LLGL1: variants seen among roughly 807,000 people sequenced by gnomAD.
The protein encoded by LLGL1 is LLGL scribble cell polarity complex component 1.
LLGL1 carries 58 observed loss-of-function variants against 110.6 expected under a neutral mutation model. That is an observed-to-expected ratio of 0.52 (90% CI 0.42 to 0.65). LLGL1 has a LOEUF of 0.65. Among genes scored for constraint, LLGL1 ranks in the 30% least tolerant of loss-of-function variants. The probability of loss-of-function intolerance (pLI) is 0.00; values close to 1 mark genes in which losing one functional copy is unlikely to be tolerated. For synonymous variants in LLGL1, 674 were observed against 607.2 expected (o/e 1.11, Z -1.62); for missense variants, 1,229 against 1,462.1 (o/e 0.84, Z 2.60).
At position 18,234,748 on chromosome 17, in the gene LLGL1, G is replaced by A. The variant is rs745747416; in HGVS notation, c.905+45G>A. On this transcript the variant is annotated intron_variant, in intron 8 of 22. Coordinates refer to ENST00000316843, the MANE Select transcript of LLGL1 (RefSeq NM_004140.4). ...GTCCGATGTGAGTTGGGTCTGGCTA[G>A]GGGGCTGGAAGGGTGGGCTCTCCCT... The A allele has an allele frequency of 3.1e-6, 5 of 1,613,952 alleles. No individual in the cohort carries two copies. In the South Asian group the frequency reaches 3.3e-5, roughly 11 times the overall value.
rs2047820742 is a variant in LLGL1, at chr17:18,241,098, G to A, written c.2502+225G>A. 5.7e-5 allele frequency: 34 copies of A among 594,812 alleles called. No homozygotes were observed. In the South Asian group the frequency reaches 7.9e-4, roughly 14 times the overall value. The allele number at this position is 594,812 out of a possible 1,614,324, so 36.8% of individuals were successfully genotyped here. A position where few individuals can be genotyped will look rare whatever the true frequency, so the allele number is the denominator to read the frequency against. On this transcript the variant is annotated intron_variant, in intron 17 of 22. Coordinates refer to ENST00000316843, the MANE Select transcript of LLGL1 (RefSeq NM_004140.4). ...GTTCCCCTGGGAGGGCAGGAATCTA[G>A]TCCTATCTCACTGTGCCACACAAGG...
rs2142750012 is a variant in LLGL1 at position 18,244,019 on chromosome 17, CCA to C, written c.*115_*116del. 2 of 152,778 alleles carry C rather than the reference CCA, an allele frequency of 1.3e-5. No homozygotes were observed. The highest frequency in any genetic ancestry group is 4.8e-5 in the African/African-American group (2 of 41,570). 9.5% of individuals were successfully genotyped at this position (152,778 alleles called of 1,614,324 possible). A position where few individuals can be genotyped will look rare whatever the true frequency, so the allele number is the denominator to read the frequency against. ...AACCACGCCTGCTAACCTGTAGGCT[CCA>C]CTGGGACCTGCTGTCCTGTCCCGCC... is the stretch of plus-strand genomic sequence containing the variant. On this transcript the variant is annotated 3_prime_UTR_variant, in exon 23 of 23. Coordinates refer to ENST00000316843, the MANE Select transcript of LLGL1 (RefSeq NM_004140.4).
chr17:18,236,034 C>T, intron 11 of LLGL1: 1 of 188,884 alleles, frequency 5.3e-6, no homozygotes, highest in South Asian at 1.0e-4. Flanking sequence ...CACAGTCACA[C>T]ACCTCTCACG....
Position 18,234,948 on chromosome 17 carries a change from C to A in LLGL1, c.1015C>A (p.Arg339Ser), listed in dbSNP as rs1417041190. Residue 339 changes from arginine to serine, a missense_variant, in exon 9 of 23, where the codon CGC (arginine) becomes AGC (serine). Physicochemically the swap from Arg to Ser is moderately radical, Grantham distance 110. Transcript: ENST00000316843. ...ATTGGTGACGCTGGACTTCACTTCC[C>A]GCATCATCGACTTCTTCACAGTGCA... Reference protein sequence around the residue: ...ETLVTLDFTSRIIDFFTVHST... With the variant: ...ETLVTLDFTSSIIDFFTVHST... The A allele has an allele frequency of 6.2e-7, 1 of 1,614,056 alleles. No homozygotes were observed. The highest frequency in any genetic ancestry group is 2.2e-5 in the East Asian group (1 of 44,878).
chr17:18,238,080 C>G lies in LLGL1; in HGVS notation c.1918C>G (p.Pro640Ala). ...SPVLARCTLH[P>A]NDSLAMEGPL... ...GTCTTCCCCCAGGTGCACTCTTCAC[C>G]CCAATGACTCCCTGGCCATGGAGGG... is the stretch of plus-strand genomic sequence containing the variant. The change falls in exon 15 of 23, where the codon CCC (proline) becomes GCC (alanine). Residue 640 changes from proline to alanine, a missense_variant. Transcript: ENST00000316843. The G allele has an allele frequency of 6.2e-7, 1 of 1,613,770 alleles. No individual in the cohort carries two copies. The highest frequency in any genetic ancestry group is 8.5e-7 in the Non-Finnish European group (1 of 1,179,996).
intron 8 of LLGL1, 22 bp downstream of exon 8, chr17:18,234,725 C>G (rs1375587506): frequency 2.5e-6 from 4 of 1,613,850 alleles, no homozygotes; most frequent in African/African-American, 1.3e-5. Flanking sequence ...GAGTGGGTGT[C>G]CGATGTGAGT....
Position 18,241,990 on chromosome 17 carries a change from C to T in LLGL1, c.2873C>T (p.Thr958Ile). 1 of 1,613,478 alleles carries T rather than the reference C, an allele frequency of 6.2e-7. No homozygotes were observed. The highest frequency in any genetic ancestry group is 1.1e-5 in the South Asian group (1 of 91,074). The change falls in exon 19 of 23, where the codon ACC becomes ATC. Residue 958 changes from threonine (T) to isoleucine (I), a missense_variant. Coordinates refer to ENST00000316843, the MANE Select transcript of LLGL1 (RefSeq NM_004140.4). ...SLDINWPRDA[T>I]QASYRIRESP... Reference sequence around the variant, plus strand: ...GACATTAACTGGCCCCGCGATGCCACCCAGGCCAGGTGTGTGGAGGGGCAG... The same window carrying T: ...GACATTAACTGGCCCCGCGATGCCATCCAGGCCAGGTGTGTGGAGGGGCAG...
At position 18,225,664 on chromosome 17, in the gene LLGL1, G is replaced by T. The variant is rs775836951; in HGVS notation, c.-19G>T. The T allele has an allele frequency of 3.0e-6, 3 of 990,382 alleles. No individual in the cohort carries two copies. Among genetic ancestry groups the T allele is most frequent in the Non-Finnish European group, 3.6e-6 (3 of 831,978 alleles). 61.3% of individuals were successfully genotyped at this position (990,382 alleles called of 1,614,324 possible). A position where few individuals can be genotyped will look rare whatever the true frequency, so the allele number is the denominator to read the frequency against. ...TGCGGGCGGCGGCGGCGGGCGAGGC[G>T]CCTGCAGCCGGGCGCAAGATGATGA... is the stretch of plus-strand genomic sequence containing the variant. On this transcript the variant is annotated 5_prime_UTR_variant, in exon 1 of 23. Transcript: ENST00000316843.
rs1211930284 is a variant in LLGL1, at chr17:18,244,192, C to G, written c.*286C>G. On this transcript the variant is annotated 3_prime_UTR_variant, in exon 23 of 23. Transcript: ENST00000316843. ...GTGGGGCCCAGCACCTGTGCCACCT[C>G]CCCCCCTCCACACACCATCCTTCCC... 1 of 151,874 alleles carries G rather than the reference C, an allele frequency of 6.6e-6. No homozygotes were observed. Among genetic ancestry groups the G allele is most frequent in the Non-Finnish European group, 1.5e-5 (1 of 67,950 alleles). 9.4% of individuals were successfully genotyped at this position (151,874 alleles called of 1,614,324 possible).
intron 2 of LLGL1, among the ~76,000 whole-genome samples, chr17:18,232,257 A>G (rs1260380896): frequency 6.6e-6 from 1 of 152,242 alleles, no homozygotes; most frequent in Non-Finnish European, 1.5e-5. Context: ...TGAAGGTCCT[A>G]TAGCAGCACC....
chr17:18,235,736 G>T, intron 11 of LLGL1, 199 bp downstream of exon 11: 1 of 594,740 alleles, frequency 1.7e-6, no homozygotes, highest in Non-Finnish European at 3.0e-6. Flanking sequence ...CTGCCTTTTG[G>T]CCTGGAACTG....
chr17:18,236,473 T>C (rs1597870761), intron 11 of LLGL1, 134 bp from the exon 12 acceptor site: 1 of 874,154 alleles, frequency 1.1e-6, no homozygotes, highest in Non-Finnish European at 1.8e-6. Context: ...CTATTGTTTT[T>C]TGTAAAAGTA....
In LLGL1 at chr17:18,242,767, C is replaced by T. The variant is rs748086092; in HGVS notation, c.3141C>T (p.Asn1047=). Residue 1047 remains asparagine, a synonymous_variant, in exon 22 of 23, where the codon AAC becomes AAT. Coordinates refer to ENST00000316843, the MANE Select transcript of LLGL1 (RefSeq NM_004140.4). ...FLGSSEESEK[N]LRNLAEDEAH... Reference sequence around the variant, plus strand: ...GCTCCTCTGAGGAGTCAGAGAAGAACCTGAGGAACCTGGCAGAAGACGAGG... The same window carrying T: ...GCTCCTCTGAGGAGTCAGAGAAGAATCTGAGGAACCTGGCAGAAGACGAGG... The T allele has an allele frequency of 6.4e-5, 100 of 1,569,216 alleles. No homozygotes were observed. The highest frequency in any genetic ancestry group is 6.2e-4 in the South Asian group (53 of 85,562).
intron 15 of LLGL1, 78 bp downstream of exon 15, chr17:18,238,292 C>T: frequency 1.3e-6 from 2 of 1,594,318 alleles, no homozygotes; most frequent in Non-Finnish European, 8.5e-7. Context: ...ACCCCTGGGG[C>T]CTGCTTAGCT....
chr17:18,238,741 T>C, intron 16 of LLGL1, 132 bp downstream of exon 16: 1 of 911,852 alleles, frequency 1.1e-6, no homozygotes, highest in Non-Finnish European at 1.7e-6. Context: ...GCACGGTGGC[T>C]CAAGCCTGTG....
chr17:18,232,630 C>A (rs370020665), intron 3 of LLGL1, 42 bp from the exon 4 acceptor site: 1 of 1,613,804 alleles, frequency 6.2e-7, no homozygotes, highest in Non-Finnish European at 8.5e-7. Flanking sequence ...ATCTACTCAT[C>A]CCCCTAGGCC....
At chr17:18,229,890 G>T (rs1457403843) in intron 1 of LLGL1, 51 bp from the exon 2 acceptor site, 11 of 1,372,258 alleles carry the variant, frequency 8.0e-6, no homozygotes, top group Non-Finnish European at 1.0e-5. Flanking sequence ...GGTGGGCCAT[G>T]GCAGAGGTGC....
chr17:18,225,673 CG>C lies in LLGL1; in HGVS notation c.-7del. On this transcript the variant is annotated 5_prime_UTR_variant, in exon 1 of 23. Transcript: ENST00000316843. Reference sequence around the variant, plus strand: ...CGGCGGCGGGCGAGGCGCCTGCAGCCGGGCGCAAGATGATGAAGTTTCGGTT... The same window carrying C: ...CGGCGGCGGGCGAGGCGCCTGCAGCCGGCGCAAGATGATGAAGTTTCGGTT... The C allele has an allele frequency of 1.0e-6, 1 of 1,004,444 alleles. No homozygotes were observed. The highest frequency in any genetic ancestry group is 3.7e-5 in the South Asian group (1 of 26,842). 62.2% of individuals were successfully genotyped at this position (1,004,444 alleles called of 1,614,324 possible).
chr17:18,234,022 C>T lies in LLGL1; in HGVS notation c.561C>T (p.Asp187=), dbSNP rs374218881. ...APGEVLRSVP[D]DYRCGKALGP... Reference sequence around the variant, plus strand: ...CTGCCTTCCTCCACAGCGTGCCAGACGACTACCGCTGTGGGAAGGCACTGG... The same window carrying T: ...CTGCCTTCCTCCACAGCGTGCCAGATGACTACCGCTGTGGGAAGGCACTGG... The change falls in exon 6 of 23, where the codon GAC becomes GAT. Residue 187 remains aspartate, a synonymous_variant. Coordinates refer to ENST00000316843, the MANE Select transcript of LLGL1 (RefSeq NM_004140.4). The T allele has an allele frequency of 4.3e-5, 69 of 1,593,022 alleles. No homozygotes were observed. Among genetic ancestry groups the T allele is most frequent in the African/African-American group, 3.6e-4 (27 of 74,640 alleles).
Sources: gnomAD v4.1 joint callset for allele counts (sites outside exome capture counted in the v4.1 genomes callset) on GRCh38, gnomAD v4.1.1 for gene constraint, MANE v1.5 for transcripts, NCBI Gene and HGNC (gene_info 2026-07-23, HGNC 2026-07-21) for gene names.